PROSER2: variants seen among roughly 807,000 people sequenced by gnomAD.
PROSER2 encodes proline and serine rich 2, also known as proline and serine-rich protein 2.
PROSER2 carries 18 observed loss-of-function variants against 14.6 expected under a neutral mutation model. That is an observed-to-expected ratio of 1.23 (90% CI 0.85 to 1.83). The LOEUF (loss-of-function observed/expected upper bound fraction) is 1.83. PROSER2 is among the 40% of genes most tolerant of loss of function. The pLI is 0.00. For synonymous variants in PROSER2, 367 were observed against 286.4 expected, an observed-to-expected ratio of 1.28 and a Z score of -2.84; for missense variants, 823 against 629.8, an observed-to-expected ratio of 1.31 and a Z score of -3.28.
rs572490451 is a variant in PROSER2, at chr10:11,860,500, C to G, written c.139-6031C>G. On this transcript the variant is annotated intron_variant, in intron 2 of 3. Coordinates refer to ENST00000277570, the MANE Select transcript of PROSER2 (RefSeq NM_153256.4). ...GCGTGGTGGCGGGTGCCTGTAATCCCAGCTACTCCGGATCCTGAGGCAGAA... is the reference window on the plus strand; with the variant it reads ...GCGTGGTGGCGGGTGCCTGTAATCCGAGCTACTCCGGATCCTGAGGCAGAA... Among the ~76,000 whole-genome samples, 4 of 152,032 alleles carry G rather than the reference C, an allele frequency of 2.6e-5. No individual in the cohort carries two copies. In the South Asian group the frequency reaches 8.3e-4, roughly 32 times the overall value.
In PROSER2 at chr10:11,854,633, T is replaced by G. The variant is rs937502290; in HGVS notation, c.138+2418T>G. 3.1e-3 allele frequency among the ~76,000 whole-genome samples: 429 copies of G among 136,632 alleles called. 5 individuals are homozygous for G. Among genetic ancestry groups the G allele is most frequent in the African/African-American group, 0.011 (418 of 36,784 alleles). The allele number at this position is 136,632 out of a possible 152,430, so 89.6% of individuals were successfully genotyped here. On this transcript the variant is annotated intron_variant, in intron 2 of 3. Transcript: ENST00000277570. The stretch of plus-strand genomic sequence containing the variant: ...GCCTGCTGAAAGTTTTTTTTTTTTT[T>G]TGCAACCTCTGCCTCCTGGTTTCAA...
chr10:11,859,426 C>CA (rs1455429560), intron 2 of PROSER2, among the ~76,000 whole-genome samples: 1 of 151,992 alleles, frequency 6.6e-6, no homozygotes, highest in Non-Finnish European at 1.5e-5. Flanking sequence ...GAGACTGTCT[C>CA]AAAAAAACAA....
chr10:11,848,035 T>C (rs1379561119), intron 1 of PROSER2, among the ~76,000 whole-genome samples: 1 of 152,206 alleles, frequency 6.6e-6, no homozygotes, highest in African/African-American at 2.4e-5. Flanking sequence ...TTCACCCATT[T>C]CTCTTCCCAG....
At chr10:11,860,317 G>A (rs890456633) in intron 2 of PROSER2, among the ~76,000 whole-genome samples, 10 of 152,132 alleles carry the variant, frequency 6.6e-5, no homozygotes, top group South Asian at 2.1e-4. Flanking sequence ...CAACTGGCTC[G>A]GTGAAAATGG....
chr10:11,845,982 C>T (rs1296042243), intron 1 of PROSER2, among the ~76,000 whole-genome samples: 1 of 152,130 alleles, frequency 6.6e-6, no homozygotes, highest in Non-Finnish European at 1.5e-5. Context: ...TTCATTCATT[C>T]ATGCATTCAT....
Position 11,862,350 on chromosome 10 carries a change from G to A in PROSER2, c.139-4181G>A, listed in dbSNP as rs1475875254. 6.6e-6 allele frequency among the ~76,000 whole-genome samples: 1 copy of A among 152,122 alleles called. No homozygotes were observed. Among genetic ancestry groups the A allele is most frequent in the Non-Finnish European group, 1.5e-5 (1 of 68,002 alleles). On this transcript the variant is annotated intron_variant, in intron 2 of 3. Coordinates refer to ENST00000277570, the MANE Select transcript of PROSER2 (RefSeq NM_153256.4). This position sits in a 1 kb window ranked among gnomAD's most constrained non-coding sequence, Gnocchi z 4.2. ...ACTAAGAAAGCTAAACAGACTTAAG[G>A]AAGACTTTAAGAACTCCAACAAAAC...
Position 11,836,758 on chromosome 10 carries a change from T to A in PROSER2, c.-82+13288T>A, listed in dbSNP as rs1457936125. On this transcript the variant is annotated intron_variant, in intron 1 of 3. Transcript: ENST00000277570. The surrounding 1 kb of genome is among the most constrained non-coding windows in gnomAD (Gnocchi z 4.6). ...GCTTGTCTTGACTGTATCTTAAAAG[T>A]GCTGGTTAATGGTGGGTGTCTGGAC... Among the ~76,000 whole-genome samples the A allele has an allele frequency of 6.6e-6, 1 of 152,160 alleles. No homozygotes were observed. Among genetic ancestry groups the A allele is most frequent in the Non-Finnish European group, 1.5e-5 (1 of 68,034 alleles).
intron 2 of PROSER2, among the ~76,000 whole-genome samples, chr10:11,854,448 C>T (rs748626903): frequency 2.1e-4 from 32 of 152,104 alleles, no homozygotes; most frequent in Non-Finnish European, 2.6e-4. Context: ...GCTGGGATAA[C>T]GGTTGCAGCA....
Position 11,872,092 on chromosome 10 carries a change from C to T in PROSER2, c.*1686C>T, listed in dbSNP as rs1226067889. The T allele has an allele frequency of 6.6e-6, 1 of 152,140 alleles. No individual in the cohort carries two copies. The highest frequency in any genetic ancestry group is 1.5e-5 in the Non-Finnish European group (1 of 68,018). The allele number at this position is 152,140 out of a possible 1,614,324, so 9.4% of individuals were successfully genotyped here. A position where few individuals can be genotyped will look rare whatever the true frequency, so the allele number is the denominator to read the frequency against. On this transcript the variant is annotated 3_prime_UTR_variant, in exon 4 of 4. Transcript: ENST00000277570. Reference sequence around the variant, plus strand: ...GTTTGCTCTTTACAAGGCAAGATGCCATACAGTGTTCAATAATAGAAGGTC... The same window carrying T: ...GTTTGCTCTTTACAAGGCAAGATGCTATACAGTGTTCAATAATAGAAGGTC...
Position 11,838,807 on chromosome 10 carries a change from A to T in PROSER2, c.-81-13190A>T, listed in dbSNP as rs192794417. Among the ~76,000 whole-genome samples, 1 of 152,328 alleles carries T rather than the reference A, an allele frequency of 6.6e-6. No homozygotes were observed. The highest frequency in any genetic ancestry group is 2.4e-5 in the African/African-American group (1 of 41,566). On this transcript the variant is annotated intron_variant, in intron 1 of 3. Transcript: ENST00000277570. This position sits in a 1 kb window ranked among gnomAD's most constrained non-coding sequence, Gnocchi z 4.4. Reference sequence around the variant, plus strand: ...TGGTTTCCTCGTTTGTACACTGTCTAATCATATTCCTTGTTCATTATTTTT... The same window carrying T: ...TGGTTTCCTCGTTTGTACACTGTCTTATCATATTCCTTGTTCATTATTTTT...
intron 1 of PROSER2, among the ~76,000 whole-genome samples, chr10:11,848,459 G>A (rs192390877): frequency 3.9e-5 from 6 of 152,270 alleles, no homozygotes; most frequent in East Asian, 1.9e-4. Context: ...GTGAGCCACC[G>A]TGCCTGGCCC....
intron 1 of PROSER2, among the ~76,000 whole-genome samples, chr10:11,833,384 A>G (rs564173610): frequency 6.6e-6 from 1 of 151,398 alleles, no homozygotes; most frequent in African/African-American, 2.4e-5. Context: ...CTCCAAAAAA[A>G]TTTTTTTAAT....
chr10:11,864,184 G>A (rs1181012735), intron 2 of PROSER2, among the ~76,000 whole-genome samples: 2 of 152,118 alleles, frequency 1.3e-5, no homozygotes, highest in African/African-American at 2.4e-5. Context: ...ATTAATAATC[G>A]GATTATGTAT....
intron 2 of PROSER2, among the ~76,000 whole-genome samples, chr10:11,857,041 T>C (rs1352631199): frequency 6.6e-6 from 1 of 152,226 alleles, no homozygotes; most frequent in Non-Finnish European, 1.5e-5. Context: ...AAAGGCCAAT[T>C]CACTCAACAT....
chr10:11,866,749 A>G lies in PROSER2; in HGVS notation c.357A>G (p.Glu119=). 6.2e-7 allele frequency: 1 copy of G among 1,613,132 alleles called. No homozygotes were observed. Among genetic ancestry groups the G allele is most frequent in the African/African-American group, 1.3e-5 (1 of 75,050 alleles). ...TGCAGCCAGCACCTGGCGCCGGGGA[A>G]GCCGAGGGCCTTCCAGAGGGGACCC... ...DLVQPAPGAG[E]AEGLPEGTQA... Residue 119 remains glutamate, a synonymous_variant, in exon 3 of 4, where the codon GAA becomes GAG. Coordinates refer to ENST00000277570, the MANE Select transcript of PROSER2 (RefSeq NM_153256.4). This position sits in a 1 kb window ranked among gnomAD's most constrained non-coding sequence, Gnocchi z 6.0.
intron 1 of PROSER2, chr10:11,850,284 C>T (rs1039874638): frequency 6.6e-6 from 1 of 152,278 alleles, no homozygotes; most frequent in South Asian, 2.1e-4. Flanking sequence ...GCCCCTGTGT[C>T]TAGGGATGGG....
chr10:11,838,468 T>C lies in PROSER2; in HGVS notation c.-81-13529T>C, dbSNP rs539030514. On this transcript the variant is annotated intron_variant, in intron 1 of 3. Coordinates refer to ENST00000277570, the MANE Select transcript of PROSER2 (RefSeq NM_153256.4). The surrounding 1 kb of genome is among the most constrained non-coding windows in gnomAD (Gnocchi z 4.4). ...AACTCTTCTCAACAGCAGGCAACACTGTATACCCATCCCGGCACGTGTTTC... is the reference window on the plus strand; with the variant it reads ...AACTCTTCTCAACAGCAGGCAACACCGTATACCCATCCCGGCACGTGTTTC... Among the ~76,000 whole-genome samples the C allele has an allele frequency of 2.0e-5, 3 of 152,222 alleles. No homozygotes were observed. The South Asian group carries it at 6.2e-4, about 32-fold the overall frequency.
intron 2 of PROSER2, among the ~76,000 whole-genome samples, chr10:11,858,651 T>G (rs978485887): frequency 3.9e-5 from 6 of 152,198 alleles, no homozygotes; most frequent in African/African-American, 1.4e-4. Context: ...TTGCTCACAT[T>G]CTTGAAGCAA....
chr10:11,850,567 AT>A, intron 1 of PROSER2: 1 of 152,214 alleles, frequency 6.6e-6, no homozygotes. Context: ...CTTTGTCTTT[AT>A]TTTACTATTT....
Sources: gnomAD v4.1 joint callset for allele counts (sites outside exome capture counted in the v4.1 genomes callset) on GRCh38, gnomAD v4.1.1 for gene constraint, Gnocchi (gnomAD v3.1) non-coding constraint, MANE v1.5 for transcripts, NCBI Gene and HGNC (gene_info 2026-07-23, HGNC 2026-07-21) for gene names.